FAT3: variants seen among roughly 807,000 people sequenced by gnomAD.
The protein encoded by FAT3 is FAT atypical cadherin 3.
Under a neutral mutation model 310.2 loss-of-function variants are expected in FAT3, and 95 were observed. The observed-to-expected ratio is 0.31, with a 90% CI of 0.26 to 0.36. FAT3 has a LOEUF of 0.36. Ranked by LOEUF, FAT3 falls within the 10% of genes least tolerant of loss-of-function variation. The pLI is 1.00. For missense variants in FAT3, 5,408 were observed against 5,715.6 expected (o/e 0.95, Z 1.74); for synonymous variants, 2,314 against 2,192.9 (o/e 1.06, Z -1.54).
At chr11:92,603,197 A>G (rs1940112430) in intron 3 of FAT3, among the ~76,000 whole-genome samples, 1 of 152,150 alleles carries the variant, frequency 6.6e-6, no homozygotes, top group African/African-American at 2.4e-5. Flanking sequence ...GAATTTCTTC[A>G]ACTCTCTGCC....
Position 92,809,864 on chromosome 11 carries a change from T to G in FAT3, c.9269T>G (p.Leu3090Arg). The part of the protein sequence containing the change: ...PESGELKTLA[L>R]LDRERIPVYS... ...ACAGGCGAGTTAAAAACCTTGGCTC[T>G]GTTGGACCGGGAGAGGATCCCCGTG... Residue 3090 changes from leucine (L) to arginine (R), a missense_variant, in exon 13 of 28, where the codon CTG (leucine) becomes CGG (arginine). Around this residue, in one of 5 missense-constraint regions of FAT3, gnomAD observed 4,588 missense variants for 4,809.8 expected, o/e 0.95. Transcript: ENST00000525166. The G allele has an allele frequency of 3.1e-6, 5 of 1,613,764 alleles. No homozygotes were observed. Among genetic ancestry groups the G allele is most frequent in the Non-Finnish European group, 4.2e-6 (5 of 1,179,696 alleles).
intron 2 of FAT3, among the ~76,000 whole-genome samples, chr11:92,361,671 T>G (rs920890651): frequency 1.4e-5 from 2 of 143,924 alleles, no homozygotes; most frequent in African/African-American, 5.2e-5. Flanking sequence ...GGTTGTAAGG[T>G]TTTTTTTTTT....
chr11:92,790,135 C>G lies in FAT3; in HGVS notation c.4528C>G (p.Arg1510Gly). 1 of 1,613,730 alleles carries G rather than the reference C, an allele frequency of 6.2e-7. No individual in the cohort carries two copies. The highest frequency in any genetic ancestry group is 1.1e-5 in the South Asian group (1 of 91,074). Residue 1510 changes from arginine (R) to glycine (G), a missense_variant, in exon 8 of 28, where the codon CGG (arginine) becomes GGG (glycine). Around this residue, in one of 5 missense-constraint regions of FAT3, gnomAD observed 4,588 missense variants for 4,809.8 expected, o/e 0.95. Transcript: ENST00000525166. The stretch of plus-strand genomic sequence containing the variant: ...CGACTCCATCAGCATGAGAAAATTC[C>G]GGATTGACCCTAGCACTGGCGTGCT... ...SIDSISMRKF[R>G]IDPSTGVLYT...
chr11:92,354,779 C>T lies in FAT3; in HGVS notation c.2667C>T (p.Ala889=), dbSNP rs370314147. The change falls in exon 2 of 28, where the codon GCC becomes GCT. Residue 889 remains alanine (A), a synonymous_variant. Transcript: ENST00000525166. The part of the protein sequence containing the change: ...INSSTGIVYV[A]DQLDRESKAN... ...GCTCAACTGGAATCGTTTATGTAGCCGACCAGTTGGACCGGGAATCCAAAG... is the reference window on the plus strand; with the variant it reads ...GCTCAACTGGAATCGTTTATGTAGCTGACCAGTTGGACCGGGAATCCAAAG... 8.9e-5 allele frequency: 143 copies of T among 1,613,714 alleles called. 2 individuals are homozygous for T. Among genetic ancestry groups the T allele is most frequent in the East Asian group, 2.7e-4 (12 of 44,880 alleles).
In FAT3 at chr11:92,809,072, G is replaced by A. The variant is rs565605053; in HGVS notation, c.9248-771G>A. On this transcript the variant is annotated intron_variant, in intron 12 of 27. Coordinates refer to ENST00000525166, the MANE Select transcript of FAT3 (RefSeq NM_001367949.2). ...TTTATTCAGGTTTGTCACTGTGCTT[G>A]TTGTCATTATCTTATGAAACTTAAA... Among the ~76,000 whole-genome samples, 9 of 152,212 alleles carry A rather than the reference G, an allele frequency of 5.9e-5. No individual in the cohort carries two copies. In the East Asian group the frequency reaches 1.5e-3, roughly 26 times the overall value.
chr11:92,885,877 C>T (rs1485663502), intron 24 of FAT3, among the ~76,000 whole-genome samples: 1 of 152,224 alleles, frequency 6.6e-6, no homozygotes, highest in African/African-American at 2.4e-5. Flanking sequence ...CCTGGCATAT[C>T]TCTCCACTTA....
intron 3 of FAT3, among the ~76,000 whole-genome samples, chr11:92,554,159 A>C (rs924179633): frequency 6.6e-6 from 1 of 151,814 alleles, no homozygotes; most frequent in African/African-American, 2.4e-5. Context: ...TGGTTCAGGG[A>C]AGAAAGAAAA....
chr11:92,502,916 T>G (rs141336641), intron 2 of FAT3, among the ~76,000 whole-genome samples: 176 of 152,262 alleles, frequency 1.2e-3, no homozygotes, highest in African/African-American at 4.0e-3. Flanking sequence ...ACTAAAACTT[T>G]AAAATCTGTT....
chr11:92,404,879 C>G (rs577029374), intron 2 of FAT3, among the ~76,000 whole-genome samples: 28 of 151,940 alleles, frequency 1.8e-4, no homozygotes, highest in Non-Finnish European at 3.1e-4. Flanking sequence ...TTCTCCTACC[C>G]TTAAACACAG....
chr11:92,778,760 T>C (rs932170231), intron 7 of FAT3, among the ~76,000 whole-genome samples: 2 of 152,062 alleles, frequency 1.3e-5, no homozygotes, highest in African/African-American at 4.8e-5. Context: ...CGACACTCCC[T>C]GGGAAACATA....
intron 12 of FAT3, among the ~76,000 whole-genome samples, chr11:92,809,325 G>A (rs1317321716): frequency 1.3e-5 from 2 of 152,148 alleles, no homozygotes; most frequent in Non-Finnish European, 2.9e-5. Flanking sequence ...ACCCTGCCCC[G>A]CTAAAGCCAG....
At chr11:92,714,670 A>G (rs1944620782) in intron 4 of FAT3, among the ~76,000 whole-genome samples, 1 of 152,192 alleles carries the variant, frequency 6.6e-6, no homozygotes, top group Non-Finnish European at 1.5e-5. Context: ...CTATTACTAG[A>G]TTGTGGAATA....
intron 2 of FAT3, among the ~76,000 whole-genome samples, chr11:92,410,101 G>A (rs1950222805): frequency 6.6e-6 from 1 of 152,124 alleles, no homozygotes; most frequent in Non-Finnish European, 1.5e-5. Flanking sequence ...TTTTACCTGA[G>A]GGTGTTTTTA....
At chr11:92,771,478 T>C (rs894924360) in intron 6 of FAT3, among the ~76,000 whole-genome samples, 1 of 151,812 alleles carries the variant, frequency 6.6e-6, no homozygotes, top group African/African-American at 2.4e-5. Context: ...TCTGTGTCCC[T>C]TGTCAGAAAT....
At chr11:92,443,822 GAGA>G (rs1483169615) in intron 2 of FAT3, among the ~76,000 whole-genome samples, 1 of 152,076 alleles carries the variant, frequency 6.6e-6, no homozygotes, top group Non-Finnish European at 1.5e-5. Flanking sequence ...TGAGGAGGAG[GAGA>G]AGAAGATAAA....
Position 92,628,825 on chromosome 11 carries a change from G to A in FAT3, c.3608-68559G>A, listed in dbSNP as rs1459350017. Among the ~76,000 whole-genome samples, 5 of 152,228 alleles carry A rather than the reference G, an allele frequency of 3.3e-5. No individual in the cohort carries two copies. The East Asian group carries it at 7.7e-4, about 23-fold the overall frequency. Reference sequence around the variant, plus strand: ...GTGGGGAGCTATTATTTAAGGTGATGACTTGGCAGCTGGATCTTCTGAAAG... The same window carrying A: ...GTGGGGAGCTATTATTTAAGGTGATAACTTGGCAGCTGGATCTTCTGAAAG... On this transcript the variant is annotated intron_variant, in intron 3 of 27. Transcript: ENST00000525166.
Position 92,836,180 on chromosome 11 carries a change from A to G in FAT3, c.10087-386A>G, listed in dbSNP as rs910231175. Reference sequence around the variant, plus strand: ...AACTTTCTTGGCTTCCTTAACATGGAAATGCATAGGCCTAGAGAATCCCTC... The same window carrying G: ...AACTTTCTTGGCTTCCTTAACATGGGAATGCATAGGCCTAGAGAATCCCTC... On this transcript the variant is annotated intron_variant, in intron 15 of 27. Transcript: ENST00000525166. 5.4e-4 allele frequency among the ~76,000 whole-genome samples: 82 copies of G among 152,180 alleles called. 1 individual carries two copies. The highest frequency in any genetic ancestry group is 1.9e-3 in the African/African-American group (78 of 41,446).
chr11:92,758,971 G>A (rs944397588), intron 4 of FAT3, among the ~76,000 whole-genome samples: 15 of 152,140 alleles, frequency 9.9e-5, no homozygotes, highest in African/African-American at 3.6e-4. Flanking sequence ...GACTTTTGGG[G>A]TGCTAGGATC....
intron 1 of FAT3, among the ~76,000 whole-genome samples, chr11:92,298,907 G>C (rs1234935595): frequency 6.6e-6 from 1 of 152,008 alleles, no homozygotes; most frequent in Non-Finnish European, 1.5e-5. Context: ...AGCTTCCACT[G>C]CCTCTGCCTC....
Sources: gnomAD v4.1 joint callset for allele counts (sites outside exome capture counted in the v4.1 genomes callset) on GRCh38, gnomAD v4.1.1 for gene constraint, gnomAD v4.1.1 regional missense constraint, MANE v1.5 for transcripts, NCBI Gene and HGNC (gene_info 2026-07-23, HGNC 2026-07-21) for gene names.